SOX9: variants seen among roughly 807,000 people sequenced by gnomAD.
The protein encoded by SOX9 is transcription factor SOX-9.
A neutral mutation model predicts 44.8 loss-of-function variants in SOX9; 2 were observed. The observed-to-expected ratio is 0.04, with a 90% CI of 0.02 to 0.14. The LOEUF is 0.14. Ranked by LOEUF, SOX9 falls within the 10% of genes least tolerant of loss-of-function variation. The pLI, the probability that SOX9 is intolerant of heterozygous loss-of-function variation, is 1.00. For synonymous variants in SOX9, 381 were observed against 331.8 expected (o/e 1.15, Z -1.61); for missense variants, 583 against 728.6 (o/e 0.80, Z 2.30).
Position 72,123,109 on chromosome 17 carries a change from T to C in SOX9, c.685+137T>C. 3 of 1,034,634 alleles carry C rather than the reference T, an allele frequency of 2.9e-6. No individual in the cohort carries two copies. Among genetic ancestry groups the C allele is most frequent in the Non-Finnish European group, 4.3e-6 (3 of 699,126 alleles). The allele number at this position is 1,034,634 out of a possible 1,614,324, so 64.1% of individuals were successfully genotyped here. ...ACACTGCCCTTTGCGCCCGTCCCGC[T>C]CCCCTCTCTACCCAGAGCCTAAGAG... On this transcript the variant is annotated intron_variant, in intron 2 of 2. Coordinates refer to ENST00000245479, the MANE Select transcript of SOX9 (RefSeq NM_000346.4). The surrounding 1 kb of genome is among the most constrained non-coding windows in gnomAD (Gnocchi z 6.5).
Position 72,124,178 on chromosome 17 carries a change from G to T in SOX9, c.1321G>T (p.Asp441Tyr), listed in dbSNP as rs372158546. The T allele has an allele frequency of 3.7e-6, 6 of 1,613,632 alleles. No homozygotes were observed. Among genetic ancestry groups the T allele is most frequent in the Non-Finnish European group, 5.1e-6 (6 of 1,179,980 alleles). Residue 441 changes from aspartate to tyrosine, a missense_variant, in exon 3 of 3, where the codon GAC (aspartate) becomes TAC (tyrosine). Coordinates refer to ENST00000245479, the MANE Select transcript of SOX9 (RefSeq NM_000346.4). This position sits in a 1 kb window ranked among gnomAD's most constrained non-coding sequence, Gnocchi z 4.6. Reference protein sequence around the residue: ...SYPPITRSQYDYTDHQNSSSY... With the variant: ...SYPPITRSQYYYTDHQNSSSY... ...CCCGCCCATCACCCGCTCACAGTAC[G>T]ACTACACCGACCACCAGAACTCCAG...
chr17:72,123,106 C>A lies in SOX9; in HGVS notation c.685+134C>A. The A allele has an allele frequency of 9.5e-7, 1 of 1,053,632 alleles. No individual in the cohort carries two copies. Among genetic ancestry groups the A allele is most frequent in the Non-Finnish European group, 1.4e-6 (1 of 715,302 alleles). The allele number at this position is 1,053,632 out of a possible 1,614,324, so 65.3% of individuals were successfully genotyped here. A position where few individuals can be genotyped will look rare whatever the true frequency, so the allele number is the denominator to read the frequency against. ...GACACACTGCCCTTTGCGCCCGTCC[C>A]GCTCCCCTCTCTACCCAGAGCCTAA... On this transcript the variant is annotated intron_variant, in intron 2 of 2. Coordinates refer to ENST00000245479, the MANE Select transcript of SOX9 (RefSeq NM_000346.4). This position sits in a 1 kb window ranked among gnomAD's most constrained non-coding sequence, Gnocchi z 6.5.
rs1447639481 is a variant in SOX9 at position 72,126,388 on chromosome 17, T to A, written c.*2001T>A. On this transcript the variant is annotated 3_prime_UTR_variant, in exon 3 of 3. Transcript: ENST00000245479. ...TCTTTTTTTTTTTTGTATATTATTG[T>A]TTACAATAAATATACATTGCATTAA... 4.3e-6 allele frequency: 1 copy of A among 230,362 alleles called. No individual in the cohort carries two copies. The highest frequency in any genetic ancestry group is 5.7e-5 in the Admixed American group (1 of 17,666). 14.3% of individuals were successfully genotyped at this position (230,362 alleles called of 1,614,324 possible). A position where few individuals can be genotyped will look rare whatever the true frequency, so the allele number is the denominator to read the frequency against.
chr17:72,124,628 C>T lies in SOX9; in HGVS notation c.*241C>T. On this transcript the variant is annotated 3_prime_UTR_variant, in exon 3 of 3. Transcript: ENST00000245479. This position sits in a 1 kb window ranked among gnomAD's most constrained non-coding sequence, Gnocchi z 4.6. Reference sequence around the variant, plus strand: ...TACCCACTTGTGGCCAATCAGTGGCCAGGCCAACCTTGGCTAAATGGAGCA... The same window carrying T: ...TACCCACTTGTGGCCAATCAGTGGCTAGGCCAACCTTGGCTAAATGGAGCA... 1.7e-6 allele frequency: 1 copy of T among 599,414 alleles called. No homozygotes were observed. The highest frequency in any genetic ancestry group is 2.0e-5 in the South Asian group (1 of 50,710). The allele number at this position is 599,414 out of a possible 1,614,324, so 37.1% of individuals were successfully genotyped here.
rs1377267205 is a variant in SOX9, at chr17:72,124,462, A to G, written c.*75A>G. On this transcript the variant is annotated 3_prime_UTR_variant, in exon 3 of 3. Coordinates refer to ENST00000245479, the MANE Select transcript of SOX9 (RefSeq NM_000346.4). The surrounding 1 kb of genome is among the most constrained non-coding windows in gnomAD (Gnocchi z 4.6). ...CCGAAGAAAGAGAGGACCAACCAGAATTCCCTTTGGACATTTGTGTTTTTT... is the reference window on the plus strand; with the variant it reads ...CCGAAGAAAGAGAGGACCAACCAGAGTTCCCTTTGGACATTTGTGTTTTTT... The G allele has an allele frequency of 1.3e-6, 2 of 1,512,098 alleles. No individual in the cohort carries two copies. The highest frequency in any genetic ancestry group is 4.5e-5 in the East Asian group (2 of 44,430). 93.7% of individuals were successfully genotyped at this position (1,512,098 alleles called of 1,614,324 possible). A position where few individuals can be genotyped will look rare whatever the true frequency, so the allele number is the denominator to read the frequency against.
rs2143241310 is a variant in SOX9, at chr17:72,121,837, G to A, written c.431+15G>A. The A allele has an allele frequency of 1.3e-6, 2 of 1,544,120 alleles. No homozygotes were observed. Among genetic ancestry groups the A allele is most frequent in the South Asian group, 1.2e-5 (1 of 82,296 alleles). On this transcript the variant is annotated intron_variant, in intron 1 of 2. Transcript: ENST00000245479. This position sits in a 1 kb window ranked among gnomAD's most constrained non-coding sequence, Gnocchi z 8.3. ...AAGCTCTGGAGGTAGGACCCGGCGG[G>A]GGCGGCGCGGCAGGGTGGGCATCGC...
rs1325191007 is a variant in SOX9 at position 72,121,092 on chromosome 17, G to A, written c.-300G>A. The A allele has an allele frequency of 5.5e-6, 3 of 547,974 alleles. No individual in the cohort carries two copies. The highest frequency in any genetic ancestry group is 9.5e-6 in the Non-Finnish European group (3 of 314,304). 33.9% of individuals were successfully genotyped at this position (547,974 alleles called of 1,614,324 possible). ...CGGAGACTCGCCAGTTTCAACCCCGGAAACTTTTCTTTGCAGGAGGAGAAG... is the reference window on the plus strand; with the variant it reads ...CGGAGACTCGCCAGTTTCAACCCCGAAAACTTTTCTTTGCAGGAGGAGAAG... On this transcript the variant is annotated 5_prime_UTR_variant, in exon 1 of 3. Coordinates refer to ENST00000245479, the MANE Select transcript of SOX9 (RefSeq NM_000346.4). This position sits in a 1 kb window ranked among gnomAD's most constrained non-coding sequence, Gnocchi z 8.3.
chr17:72,124,489 G>GT lies in SOX9; in HGVS notation c.*109dup, dbSNP rs1440076532. On this transcript the variant is annotated 3_prime_UTR_variant, in exon 3 of 3. Coordinates refer to ENST00000245479, the MANE Select transcript of SOX9 (RefSeq NM_000346.4). The surrounding 1 kb of genome is among the most constrained non-coding windows in gnomAD (Gnocchi z 4.6). ...TCCCTTTGGACATTTGTGTTTTTTTGTTTTTTTATTTTGTTTTGTTTTTTC... is the reference window on the plus strand; with the variant it reads ...TCCCTTTGGACATTTGTGTTTTTTTGTTTTTTTTATTTTGTTTTGTTTTTTC... 3 of 1,433,008 alleles carry GT rather than the reference G, an allele frequency of 2.1e-6. No homozygotes were observed. The highest frequency in any genetic ancestry group is 2.3e-5 in the South Asian group (2 of 86,518). The allele number at this position is 1,433,008 out of a possible 1,614,324, so 88.8% of individuals were successfully genotyped here.
Position 72,125,912 on chromosome 17 carries a change from T to G in SOX9, c.*1525T>G, listed in dbSNP as rs1908270935. 8.9e-6 allele frequency: 2 copies of G among 225,894 alleles called. No individual in the cohort carries two copies. Among genetic ancestry groups the G allele is most frequent in the Non-Finnish European group, 1.8e-5 (2 of 113,202 alleles). 14.0% of individuals were successfully genotyped at this position (225,894 alleles called of 1,614,324 possible). A position where few individuals can be genotyped will look rare whatever the true frequency, so the allele number is the denominator to read the frequency against. ...GCCTTATATTGTGTGTGTGTGTGGG[T>G]GTGTGTGTGTTTTGACACAAAAACA... On this transcript the variant is annotated 3_prime_UTR_variant, in exon 3 of 3. Coordinates refer to ENST00000245479, the MANE Select transcript of SOX9 (RefSeq NM_000346.4).
chr17:72,122,324 G>T lies in SOX9; in HGVS notation c.432-395G>T, dbSNP rs1027935950. On this transcript the variant is annotated intron_variant, in intron 1 of 2. Transcript: ENST00000245479. ...AATAGGTGGGAGTGTATGGTGGGGG[G>T]TGAGAATTGGGGACCTTCTTGCAGC... is the stretch of plus-strand genomic sequence containing the variant. Among the ~76,000 whole-genome samples, 4 of 146,468 alleles carry T rather than the reference G, an allele frequency of 2.7e-5. No homozygotes were observed. The Admixed American group carries it at 2.8e-4, about 10-fold the overall frequency.
Position 72,123,625 on chromosome 17 carries a change from G to A in SOX9, c.768G>A (p.Gly256=), listed in dbSNP as rs2143250912. 9 of 1,614,108 alleles carry A rather than the reference G, an allele frequency of 5.6e-6. No homozygotes were observed. Among genetic ancestry groups the A allele is most frequent in the Non-Finnish European group, 7.6e-6 (9 of 1,179,990 alleles). The part of the protein sequence containing the change: ...QPGKADLKRE[G]RPLPEGGRQP... ...GCAAGGCTGACCTGAAGCGAGAGGGGCGCCCCTTGCCAGAGGGGGGCAGAC... is the reference window on the plus strand; with the variant it reads ...GCAAGGCTGACCTGAAGCGAGAGGGACGCCCCTTGCCAGAGGGGGGCAGAC... The change falls in exon 3 of 3, where the codon GGG becomes GGA. Residue 256 remains glycine (G), a synonymous_variant. Transcript: ENST00000245479. This position sits in a 1 kb window ranked among gnomAD's most constrained non-coding sequence, Gnocchi z 6.5.
At position 72,123,414 on chromosome 17, in the gene SOX9, G is replaced by C. The variant is rs1180415716; in HGVS notation, c.686-129G>C. 4.7e-6 allele frequency: 6 copies of C among 1,273,410 alleles called. No homozygotes were observed. Among genetic ancestry groups the C allele is most frequent in the Non-Finnish European group, 6.8e-6 (6 of 886,732 alleles). The allele number at this position is 1,273,410 out of a possible 1,614,324, so 78.9% of individuals were successfully genotyped here. ...GGGCGACTTATCTCCGGTGCAGCGCGCCTCTTGCGCGGGTGCGGGCCCTTA... is the reference window on the plus strand; with the variant it reads ...GGGCGACTTATCTCCGGTGCAGCGCCCCTCTTGCGCGGGTGCGGGCCCTTA... On this transcript the variant is annotated intron_variant, in intron 2 of 2. Coordinates refer to ENST00000245479, the MANE Select transcript of SOX9 (RefSeq NM_000346.4). The surrounding 1 kb of genome is among the most constrained non-coding windows in gnomAD (Gnocchi z 6.5).
rs759378287 is a variant in SOX9 at position 72,124,501 on chromosome 17, T to G, written c.*114T>G. The G allele has an allele frequency of 7.4e-7, 1 of 1,346,368 alleles. No homozygotes were observed. The highest frequency in any genetic ancestry group is 1.0e-6 in the Non-Finnish European group (1 of 964,554). The allele number at this position is 1,346,368 out of a possible 1,614,324, so 83.4% of individuals were successfully genotyped here. On this transcript the variant is annotated 3_prime_UTR_variant, in exon 3 of 3. Transcript: ENST00000245479. This position sits in a 1 kb window ranked among gnomAD's most constrained non-coding sequence, Gnocchi z 4.6. ...TTTGTGTTTTTTTGTTTTTTTATTT[T>G]GTTTTGTTTTTTCTTCTTCTTCTTC...
chr17:72,125,542 CA>C lies in SOX9; in HGVS notation c.*1164del, dbSNP rs886053360. On this transcript the variant is annotated 3_prime_UTR_variant, in exon 3 of 3. Transcript: ENST00000245479. ...TTGTAAGGAGAGGTTTTAATTAAAACAAAAAAAAATTCTTTTTTTTTTTTTT... is the reference window on the plus strand; with the variant it reads ...TTGTAAGGAGAGGTTTTAATTAAAACAAAAAAAATTCTTTTTTTTTTTTTT... The C allele has an allele frequency of 6.1e-4, 117 of 190,920 alleles. No individual in the cohort carries two copies. Among genetic ancestry groups the C allele is most frequent in the Middle Eastern group, 1.6e-3 (1 of 616 alleles). The allele number at this position is 190,920 out of a possible 1,614,324, so 11.8% of individuals were successfully genotyped here.
Position 72,121,848 on chromosome 17 carries a change from C to T in SOX9, c.431+26C>T, listed in dbSNP as rs2143241438. The T allele has an allele frequency of 5.9e-6, 9 of 1,528,426 alleles. No individual in the cohort carries two copies. Among genetic ancestry groups the T allele is most frequent in the African/African-American group, 1.4e-5 (1 of 72,888 alleles). 94.7% of individuals were successfully genotyped at this position (1,528,426 alleles called of 1,614,324 possible). The stretch of plus-strand genomic sequence containing the variant: ...GTAGGACCCGGCGGGGGCGGCGCGG[C>T]AGGGTGGGCATCGCGGCGGCTGGGG... On this transcript the variant is annotated intron_variant, in intron 1 of 2. Transcript: ENST00000245479. The surrounding 1 kb of genome is among the most constrained non-coding windows in gnomAD (Gnocchi z 8.3).
rs1316012358 is a variant in SOX9, at chr17:72,124,599, G to T, written c.*212G>T. On this transcript the variant is annotated 3_prime_UTR_variant, in exon 3 of 3. Coordinates refer to ENST00000245479, the MANE Select transcript of SOX9 (RefSeq NM_000346.4). The surrounding 1 kb of genome is among the most constrained non-coding windows in gnomAD (Gnocchi z 4.6). ...AGACACAAACATGACCTATCCAAGC[G>T]CATTACCCACTTGTGGCCAATCAGT... is the stretch of plus-strand genomic sequence containing the variant. 4.6e-6 allele frequency: 3 copies of T among 655,744 alleles called. No individual in the cohort carries two copies. The highest frequency in any genetic ancestry group is 3.6e-5 in the African/African-American group (2 of 55,376). 40.6% of individuals were successfully genotyped at this position (655,744 alleles called of 1,614,324 possible).
At position 72,124,231 on chromosome 17, in the gene SOX9, G is replaced by C. The variant is rs766214163; in HGVS notation, c.1374G>C (p.Gln458His). Residue 458 changes from glutamine to histidine, a missense_variant, in exon 3 of 3, where the codon CAG (glutamine) becomes CAC (histidine). Around this residue, in one of 7 missense-constraint regions of SOX9, gnomAD observed 349 missense variants for 387.0 expected, o/e 0.90. Transcript: ENST00000245479. This position sits in a 1 kb window ranked among gnomAD's most constrained non-coding sequence, Gnocchi z 4.6. ...SSSYYSHAAGQGTGLYSTFTY... is the reference protein window; with the variant it reads ...SSSYYSHAAGHGTGLYSTFTY... ...CCTACTACAGCCACGCGGCAGGCCA[G>C]GGCACCGGCCTCTACTCCACCTTCA... 6.2e-7 allele frequency: 1 copy of C among 1,613,352 alleles called. No individual in the cohort carries two copies.
At position 72,121,169 on chromosome 17, in the gene SOX9, C is replaced by A; in HGVS notation, c.-223C>A. 14 of 583,518 alleles carry A rather than the reference C, an allele frequency of 2.4e-5. No individual in the cohort carries two copies. The South Asian group carries it at 2.9e-4, about 12-fold the overall frequency. The allele number at this position is 583,518 out of a possible 1,614,324, so 36.1% of individuals were successfully genotyped here. A position where few individuals can be genotyped will look rare whatever the true frequency, so the allele number is the denominator to read the frequency against. ...TGCTCTTTTTCCTCCCCTCCTCCTC[C>A]TCTCCAATTCGCCTCCCCCCACTTG... On this transcript the variant is annotated 5_prime_UTR_variant, in exon 1 of 3. Transcript: ENST00000245479. This position sits in a 1 kb window ranked among gnomAD's most constrained non-coding sequence, Gnocchi z 8.3.
chr17:72,122,723 C>T lies in SOX9; in HGVS notation c.436C>T (p.Leu146=), dbSNP rs2143244977. 6.2e-7 allele frequency: 1 copy of T among 1,614,008 alleles called. No homozygotes were observed. The highest frequency in any genetic ancestry group is 1.1e-5 in the South Asian group (1 of 91,066). Residue 146 remains leucine, a synonymous_variant, in exon 2 of 3, where the codon CTG becomes TTG. Transcript: ENST00000245479. Reference sequence around the variant, plus strand: ...CCCCCGCCCCGCCCCGAGCAGACTTCTGAACGAGAGCGAGAAGCGGCCCTT... The same window carrying T: ...CCCCCGCCCCGCCCCGAGCAGACTTTTGAACGAGAGCGAGAAGCGGCCCTT... ...SKTLGKLWRL[L]NESEKRPFVE...
Sources: allele counts gnomAD v4.1 joint callset (sites outside exome capture counted in the v4.1 genomes callset), GRCh38; gene constraint gnomAD v4.1.1; regional missense constraint gnomAD v4.1.1; non-coding constraint Gnocchi (gnomAD v3.1); transcripts MANE v1.5; gene names NCBI Gene and HGNC (gene_info 2026-07-23, HGNC 2026-07-21).